TSPEAR: variants seen among roughly 807,000 people sequenced by gnomAD.
TSPEAR encodes thrombospondin-type laminin G domain and EAR repeat-containing protein.
A neutral mutation model predicts 71.6 loss-of-function variants in TSPEAR; 69 were observed. The ratio of observed to expected loss-of-function variants is 0.96; its 90% CI spans 0.79 to 1.18. TSPEAR has a LOEUF of 1.18. Among genes scored for constraint, TSPEAR ranks in the 50% most tolerant of loss-of-function variants. TSPEAR has a pLI of 0.00. For synonymous variants in TSPEAR, 402 were observed against 387.2 expected (o/e 1.04, Z -0.45); for missense variants, 971 against 894.9 (o/e 1.09, Z -1.09).
At chr21:44,515,134 A>G (rs1367212619) in intron 9 of TSPEAR, among the ~76,000 whole-genome samples, 1 of 152,224 alleles carries the variant, frequency 6.6e-6, no homozygotes, top group African/African-American at 2.4e-5. Context: ...CATGAAAGAC[A>G]TTGCAAAACT....
At chr21:44,558,590 G>A in intron 2 of TSPEAR, 3 of 1,611,806 alleles carry the variant, frequency 1.9e-6, no homozygotes, top group Non-Finnish European at 2.5e-6. Context: ...CCAGGGTCAG[G>A]CAGGGGGCCG....
intron 1 of TSPEAR, chr21:44,690,643 C>T: frequency 1.0e-6 from 1 of 964,578 alleles, no homozygotes; most frequent in East Asian, 1.1e-4. Flanking sequence ...ATAAGCAGTT[C>T]TTAAGATAAG....
At chr21:44,602,326 G>A (rs1047987017) in intron 1 of TSPEAR, among the ~76,000 whole-genome samples, 3 of 152,220 alleles carry the variant, frequency 2.0e-5, no homozygotes, top group Non-Finnish European at 4.4e-5. Flanking sequence ...ACGGATGTCC[G>A]AGGGGTAGGC....
At chr21:44,583,841 A>T (rs2146107825) in intron 1 of TSPEAR, among the ~76,000 whole-genome samples, 1 of 152,324 alleles carries the variant, frequency 6.6e-6, no homozygotes, top group South Asian at 2.1e-4. Context: ...TCCATCACCC[A>T]TGCAGTTACC....
In TSPEAR at chr21:44,522,071, G is replaced by C; in HGVS notation, c.1378C>G (p.Pro460Ala). The C allele has an allele frequency of 6.2e-7, 1 of 1,614,100 alleles. No homozygotes were observed. The highest frequency in any genetic ancestry group is 1.1e-5 in the South Asian group (1 of 91,070). Residue 460 changes from proline to alanine, a missense_variant, in exon 9 of 12, where the codon CCG becomes GCG. Physicochemically the swap from Pro to Ala is conservative, Grantham distance 27 (BLOSUM62 -1). Transcript: ENST00000323084. ...TTGGCCTCGAAGAGCCGGGTTGCCG[G>C]GTTCCACTTGTAGATGACACTGTCG... is the stretch of plus-strand genomic sequence containing the variant. The part of the protein sequence containing the change: ...NIDSVIYKWN[P>A]ATRLFEANQT...
At position 44,638,311 on chromosome 21, in the gene TSPEAR, C is replaced by G. The variant is rs148428709; in HGVS notation, c.83-70306G>C. Reference sequence around the variant, plus strand: ...TGTCTTGGGGACCAGGATGCTCCCCCAGTCCTTCCCAGATGATGGCTGCCT... The same window carrying G: ...TGTCTTGGGGACCAGGATGCTCCCCGAGTCCTTCCCAGATGATGGCTGCCT... On this transcript the variant is annotated intron_variant, in intron 1 of 11. Transcript: ENST00000323084. 4.0e-3 allele frequency: 2,804 copies of G among 706,802 alleles called. 332 individuals carry two copies. The African/African-American group carries it at 0.049, about 12-fold the overall frequency. The allele number at this position is 706,802 out of a possible 1,614,324, so 43.8% of individuals were successfully genotyped here. A position where few individuals can be genotyped will look rare whatever the true frequency, so the allele number is the denominator to read the frequency against.
intron 2 of TSPEAR, among the ~76,000 whole-genome samples, chr21:44,567,277 CA>C (rs2053715622): frequency 6.6e-6 from 1 of 152,198 alleles, no homozygotes; most frequent in South Asian, 2.1e-4. Flanking sequence ...GTTGGAAATG[CA>C]AATTCATTTT....
rs781892783 is a variant in TSPEAR, at chr21:44,525,721, C to CTG, written c.1266_1267dup (p.Ser423ThrfsTer147). ...CTCGAAGGCCTCCCAGTCTCGGGCG[C>CTG]TGTGTGTGGCAATGCTCTGATATGG... On this transcript the variant is annotated frameshift_variant, in exon 8 of 12. Coordinates refer to ENST00000323084, the MANE Select transcript of TSPEAR (RefSeq NM_144991.3). LOFTEE classifies it high-confidence loss of function. 6.2e-7 allele frequency: 1 copy of CTG among 1,614,194 alleles called. No homozygotes were observed. The highest frequency in any genetic ancestry group is 8.5e-7 in the Non-Finnish European group (1 of 1,180,050).
intron 2 of TSPEAR, among the ~76,000 whole-genome samples, chr21:44,545,045 C>T (rs1348511546): frequency 4.6e-5 from 7 of 151,366 alleles, no homozygotes; most frequent in South Asian, 2.1e-4. Flanking sequence ...AGAGGCCAGG[C>T]GCGGTGGCTC....
At chr21:44,628,418 G>T (rs1983036890) in intron 1 of TSPEAR, 1 of 308,810 alleles carries the variant, frequency 3.2e-6, no homozygotes, top group Non-Finnish European at 6.1e-6. Context: ...GGGCGGGAGG[G>T]GGCAGAGTGG....
At chr21:44,609,805 A>G (rs1248766970) in intron 1 of TSPEAR, among the ~76,000 whole-genome samples, 1 of 152,212 alleles carries the variant, frequency 6.6e-6, no homozygotes, top group African/African-American at 2.4e-5. Context: ...ACTTTATTAT[A>G]ATATACATTC....
At chr21:44,539,183 G>C in intron 2 of TSPEAR, 1 of 1,471,534 alleles carries the variant, frequency 6.8e-7, no homozygotes, top group Admixed American at 2.3e-5. Context: ...CTCAGCACAG[G>C]GGAGACACGG....
Position 44,686,441 on chromosome 21 carries a change from C to T in TSPEAR, c.82+24992G>A, listed in dbSNP as rs535425474. On this transcript the variant is annotated intron_variant, in intron 1 of 11. Coordinates refer to ENST00000323084, the MANE Select transcript of TSPEAR (RefSeq NM_144991.3). ...GTGGGACCTCCTGCTGCCACCTGGC[C>T]ACCCCCGCCCTGCCCCCCGCACCGT... 333 of 154,688 alleles carry T rather than the reference C, an allele frequency of 2.2e-3. 3 individuals carry two copies. Among genetic ancestry groups the T allele is most frequent in the Middle Eastern group, 6.5e-3 (2 of 308 alleles). 9.6% of individuals were successfully genotyped at this position (154,688 alleles called of 1,614,324 possible). A position where few individuals can be genotyped will look rare whatever the true frequency, so the allele number is the denominator to read the frequency against.
intron 2 of TSPEAR, chr21:44,558,087 C>A (rs782087801): frequency 1.2e-6 from 2 of 1,612,218 alleles, no homozygotes; most frequent in Admixed American, 3.3e-5. Flanking sequence ...GAGGCCGCAG[C>A]ACGCGGAAGA....
At chr21:44,694,225 A>T (rs1387903548) in intron 1 of TSPEAR, among the ~76,000 whole-genome samples, 1 of 152,268 alleles carries the variant, frequency 6.6e-6, no homozygotes, top group Non-Finnish European at 1.5e-5. Context: ...AATATTATTT[A>T]TCCATAAAAA....
chr21:44,709,470 T>C (rs1258763746), intron 1 of TSPEAR, among the ~76,000 whole-genome samples: 5 of 152,170 alleles, frequency 3.3e-5, no homozygotes, highest in African/African-American at 1.2e-4. Context: ...AAATGAGTCC[T>C]AGAAAGCGAG....
At chr21:44,676,996 G>T in intron 1 of TSPEAR, 1 of 919,926 alleles carries the variant, frequency 1.1e-6, no homozygotes, top group Non-Finnish European at 1.8e-6. Flanking sequence ...TTTCCACCCA[G>T]GAAGGACTTC....
chr21:44,608,619 A>G (rs1981463370), intron 1 of TSPEAR, among the ~76,000 whole-genome samples: 1 of 152,240 alleles, frequency 6.6e-6, no homozygotes, highest in South Asian at 2.1e-4. Context: ...CCTCACAAGA[A>G]AAGATATCCA....
chr21:44,610,429 T>C (rs988181228), intron 1 of TSPEAR, among the ~76,000 whole-genome samples: 1 of 152,216 alleles, frequency 6.6e-6, no homozygotes, highest in Non-Finnish European at 1.5e-5. Flanking sequence ...CCTTGGCAGC[T>C]TCCATGTTGC....
Sources: gnomAD v4.1 joint callset for allele counts (sites outside exome capture counted in the v4.1 genomes callset) on GRCh38, gnomAD v4.1.1 for gene constraint, MANE v1.5 for transcripts, NCBI Gene and HGNC (gene_info 2026-07-23, HGNC 2026-07-21) for gene names.